The following GRIN2B variants were observed in gnomAD, a reference collection of about 807,000 sequenced individuals.
GRIN2B encodes the protein glutamate ionotropic receptor NMDA type subunit 2B.
A neutral mutation model predicts 114.5 loss-of-function variants in GRIN2B; 5 were observed. That is an observed-to-expected ratio of 0.04 (90% CI 0.02 to 0.09). The LOEUF is 0.09. Ranked by LOEUF, GRIN2B falls within the 10% of genes least tolerant of loss-of-function variation. The pLI is 1.00. For missense variants in GRIN2B, 1,108 were observed against 1,943.5 expected (o/e 0.57, Z 8.08); for synonymous variants, 787 against 745.1 (o/e 1.06, Z -0.92).
chr12:13,935,077 A>G (rs1001805363), intron 2 of GRIN2B, among the ~76,000 whole-genome samples: 1 of 152,196 alleles, frequency 6.6e-6, no homozygotes, highest in Non-Finnish European at 1.5e-5. Context: ...CTGGGACTGT[A>G]AGATAGAGAG....
chr12:13,814,249 C>T (rs1864780116), intron 3 of GRIN2B, among the ~76,000 whole-genome samples: 1 of 152,168 alleles, frequency 6.6e-6, no homozygotes, highest in African/African-American at 2.4e-5. Context: ...TTAGAGTATT[C>T]CTCAGTATGC....
In GRIN2B at chr12:13,567,389, CAAAAA is replaced by C. The variant is rs962135958; in HGVS notation, c.2360-131_2360-127del. Reference sequence around the variant, plus strand: ...CGTGACAGAAAAAGAGACAAGGAGACAAAAAGAAAGGAAATGAATAAAGTTAACAG... The same window carrying C: ...CGTGACAGAAAAAGAGACAAGGAGACGAAAGGAAATGAATAAAGTTAACAG... On this transcript the variant is annotated intron_variant, in intron 12 of 13. Coordinates refer to ENST00000609686, the MANE Select transcript of GRIN2B (RefSeq NM_000834.5). The C allele has an allele frequency of 3.9e-5, 27 of 684,710 alleles. No homozygotes were observed. The African/African-American group carries it at 4.2e-4, about 11-fold the overall frequency. The allele number at this position is 684,710 out of a possible 1,614,324, so 42.4% of individuals were successfully genotyped here.
At chr12:13,924,782 T>C (rs1270232711) in intron 2 of GRIN2B, among the ~76,000 whole-genome samples, 2 of 152,206 alleles carry the variant, frequency 1.3e-5, no homozygotes, top group African/African-American at 4.8e-5. Context: ...CTCCAAAGTG[T>C]GTAATTTTTT....
intron 2 of GRIN2B, among the ~76,000 whole-genome samples, chr12:13,913,675 C>T (rs1247417697): frequency 1.3e-5 from 2 of 152,274 alleles, no homozygotes; most frequent in East Asian, 1.9e-4. Flanking sequence ...AAACACTAGA[C>T]GAGGCACATA....
At chr12:13,816,871 C>A (rs888094128) in intron 3 of GRIN2B, among the ~76,000 whole-genome samples, 4 of 152,138 alleles carry the variant, frequency 2.6e-5, no homozygotes, top group Admixed American at 6.5e-5. Context: ...CCTAAGCAAT[C>A]TAAACCTAAG....
At chr12:13,890,667 T>G (rs573350593) in intron 2 of GRIN2B, among the ~76,000 whole-genome samples, 4 of 152,128 alleles carry the variant, frequency 2.6e-5, no homozygotes, top group Non-Finnish European at 5.9e-5. Context: ...AGTATGGGAT[T>G]ATATGTTTCT....
intron 4 of GRIN2B, among the ~76,000 whole-genome samples, chr12:13,732,969 G>A (rs1863110748): frequency 6.6e-6 from 1 of 152,128 alleles, no homozygotes; most frequent in Non-Finnish European, 1.5e-5. Context: ...ACACATCCCT[G>A]CCAACGTGGA....
chr12:13,779,630 T>C lies in GRIN2B; in HGVS notation c.412-25715A>G, dbSNP rs912469900. 5.3e-5 allele frequency among the ~76,000 whole-genome samples: 8 copies of C among 152,364 alleles called. No homozygotes were observed. The East Asian group carries it at 7.7e-4, about 15-fold the overall frequency. On this transcript the variant is annotated intron_variant, in intron 3 of 13. Coordinates refer to ENST00000609686, the MANE Select transcript of GRIN2B (RefSeq NM_000834.5). ...GGTAATTCATGTGCTTCTGTTCATA[T>C]AAACCCTTTAATTCCTAGTGTGTAT...
intron 12 of GRIN2B, among the ~76,000 whole-genome samples, chr12:13,568,186 T>C (rs1235723964): frequency 1.3e-5 from 2 of 152,184 alleles, no homozygotes. Context: ...ATGACCTTTT[T>C]CCACTTCACC....
chr12:13,696,277 T>C lies in GRIN2B; in HGVS notation c.1011-20418A>G, dbSNP rs77806851. On this transcript the variant is annotated intron_variant, in intron 4 of 13. Coordinates refer to ENST00000609686, the MANE Select transcript of GRIN2B (RefSeq NM_000834.5). ...ACAGCATCCCACAAGTAAACTTTTA[T>C]ATATGTAACAAAAGGTGTGTAACTA... is the stretch of plus-strand genomic sequence containing the variant. Among the ~76,000 whole-genome samples the C allele has an allele frequency of 7.6e-4, 116 of 152,260 alleles. 1 individual carries two copies. The highest frequency in any genetic ancestry group is 2.6e-3 in the African/African-American group (109 of 41,566).
At chr12:13,723,143 GTT>G (rs1195297782) in intron 4 of GRIN2B, among the ~76,000 whole-genome samples, 2 of 126,486 alleles carry the variant, frequency 1.6e-5, no homozygotes, top group Non-Finnish European at 3.6e-5. Flanking sequence ...TTTTTTTTTT[GTT>G]TTTTATTATT....
intron 2 of GRIN2B, among the ~76,000 whole-genome samples, chr12:13,966,269 T>C (rs368766776): frequency 2.2e-4 from 33 of 152,332 alleles, no homozygotes; most frequent in African/African-American, 7.9e-4. Context: ...TGACACACTA[T>C]CAAGCTTTAG....
At chr12:13,749,755 C>T (rs573834025) in intron 4 of GRIN2B, among the ~76,000 whole-genome samples, 6 of 152,140 alleles carry the variant, frequency 3.9e-5, no homozygotes, top group Admixed American at 2.6e-4. Context: ...TGCTTTTGAG[C>T]GTGCTGTGCC....
Position 13,620,299 on chromosome 12 carries a change from C to A in GRIN2B, c.1126-3642G>T, listed in dbSNP as rs114695822. Among the ~76,000 whole-genome samples, 923 of 152,328 alleles carry A rather than the reference C, an allele frequency of 6.1e-3. 11 individuals carry two copies. The highest frequency in any genetic ancestry group is 0.021 in the African/African-American group (860 of 41,576). On this transcript the variant is annotated intron_variant, in intron 5 of 13. Coordinates refer to ENST00000609686, the MANE Select transcript of GRIN2B (RefSeq NM_000834.5). ...AGCAATTGTCTAGCACAGTTCTCTT[C>A]CTTACGGGCCTGCTCACTGTAGCCG...
intron 4 of GRIN2B, among the ~76,000 whole-genome samples, chr12:13,739,363 A>G (rs1335840582): frequency 8.1e-6 from 1 of 123,400 alleles, no homozygotes; most frequent in East Asian, 2.9e-4. Context: ...AACAAGAGTG[A>G]AACTCCGTCT....
intron 3 of GRIN2B, among the ~76,000 whole-genome samples, chr12:13,815,355 G>C (rs993281638): frequency 2.0e-5 from 3 of 151,586 alleles, no homozygotes; most frequent in African/African-American, 7.3e-5. Flanking sequence ...TTCAGTAAAG[G>C]CATCATTCAG....
At chr12:13,792,640 T>C (rs1207154181) in intron 3 of GRIN2B, among the ~76,000 whole-genome samples, 1 of 152,208 alleles carries the variant, frequency 6.6e-6, no homozygotes, top group African/African-American at 2.4e-5. Context: ...GAAACTAGTA[T>C]CCACAGGGGT....
chr12:13,583,837 G>C (rs1222586772), intron 10 of GRIN2B, among the ~76,000 whole-genome samples: 1 of 152,116 alleles, frequency 6.6e-6, no homozygotes, highest in Admixed American at 6.5e-5. Flanking sequence ...ATCCCATGGA[G>C]CACACCGAAT....
intron 3 of GRIN2B, among the ~76,000 whole-genome samples, chr12:13,784,516 A>T (rs542524028): frequency 6.6e-6 from 1 of 151,946 alleles, no homozygotes; most frequent in African/African-American, 2.4e-5. Context: ...CCTTTTTGCA[A>T]TGTGACTTCG....
Sources: allele counts gnomAD v4.1 joint callset (sites outside exome capture counted in the v4.1 genomes callset), GRCh38; gene constraint gnomAD v4.1.1; transcripts MANE v1.5; gene names NCBI Gene and HGNC (gene_info 2026-07-23, HGNC 2026-07-21).